Variants in PFKM observed in about 807,000 individuals in gnomAD.
PFKM encodes ATP-dependent 6-phosphofructokinase, muscle type.
A neutral mutation model predicts 95.5 loss-of-function variants in PFKM; 58 were observed. The ratio of observed to expected loss-of-function variants is 0.61; its 90% CI spans 0.49 to 0.76. The LOEUF (loss-of-function observed/expected upper bound fraction) is 0.76. Ranked by LOEUF, PFKM falls within the 30% of genes least tolerant of loss-of-function variation. The pLI is 0.00. For synonymous variants in PFKM, 336 were observed against 357.2 expected (o/e 0.94, Z 0.67); for missense variants, 678 against 1,005.4 (o/e 0.67, Z 4.40).
At chr12:48,105,408 G>A (rs1384157044), upstream of PFKM, 2 of 518,918 alleles carry the variant, frequency 3.9e-6, no homozygotes, top group African/African-American at 1.9e-5. Flanking sequence ...TTACCAGGAG[G>A]CGATGAGCCA....
chr12:48,138,282 C>T (rs905348133), intron 11 of PFKM, among the ~76,000 whole-genome samples: 1 of 152,102 alleles, frequency 6.6e-6, no homozygotes, highest in Non-Finnish European at 1.5e-5. Context: ...CTAATGCTAA[C>T]GTTGAGGGTT....
chr12:48,141,322 T>G lies in PFKM; in HGVS notation c.1353T>G (p.Ala451=). 3.1e-6 allele frequency: 5 copies of G among 1,614,158 alleles called. No homozygotes were observed. The highest frequency in any genetic ancestry group is 4.2e-6 in the Non-Finnish European group (5 of 1,180,012). Residue 451 remains alanine (A), a synonymous_variant, in exon 15 of 23, where the codon GCT becomes GCG. Transcript: ENST00000359794. ...EGLAKGQIEE[A]GWSYVGGWTG... Reference sequence around the variant, plus strand: ...GCTTATCCCCACAGATAGAGGAAGCTGGCTGGAGCTATGTTGGGGGCTGGA... The same window carrying G: ...GCTTATCCCCACAGATAGAGGAAGCGGGCTGGAGCTATGTTGGGGGCTGGA...
chr12:48,137,389 C>T (rs1950197685), intron 10 of PFKM: 2 of 383,290 alleles, frequency 5.2e-6, no homozygotes, highest in Non-Finnish European at 1.0e-5. Context: ...CTTATCCTAT[C>T]TTCACTGGAA....
chr12:48,142,927 T>C lies in PFKM; in HGVS notation c.1799T>C (p.Phe600Ser). Residue 600 changes from phenylalanine (F) to serine (S), a missense_variant, in exon 18 of 23, where the codon TTC becomes TCC. Physicochemically the swap from Phe to Ser is radical, Grantham distance 155. Coordinates refer to ENST00000359794, the MANE Select transcript of PFKM (RefSeq NM_000289.6). ...GCTGCCTACATTTTTGAGGAGCCCT[T>C]CACCATTCGAGACCTGCAGGTAGCT... is the stretch of plus-strand genomic sequence containing the variant. The part of the protein sequence containing the change: ...ADAAYIFEEP[F>S]TIRDLQANVE... The C allele has an allele frequency of 6.2e-7, 1 of 1,613,958 alleles. No homozygotes were observed. The highest frequency in any genetic ancestry group is 1.3e-5 in the African/African-American group (1 of 75,022).
chr12:48,117,578 C>T (rs1199023087), upstream of PFKM, among the ~76,000 whole-genome samples: 1 of 152,210 alleles, frequency 6.6e-6, no homozygotes, highest in Non-Finnish European at 1.5e-5. Flanking sequence ...TCGCTAATGA[C>T]ATATGATGTT....
chr12:48,131,190 A>C, intron 3 of PFKM, 126 bp from the exon 4 acceptor site: 1 of 746,604 alleles, frequency 1.3e-6, no homozygotes. Context: ...TCTCACGAGC[A>C]TCCAGGACTC....
intron 19 of PFKM, 84 bp downstream of exon 19, chr12:48,143,898 C>G (rs1483346334): frequency 8.6e-7 from 1 of 1,163,220 alleles, no homozygotes; most frequent in Admixed American, 1.7e-5. Flanking sequence ...GTTGGGACAC[C>G]CTGAGGAATC....
intron 2 of PFKM, among the ~76,000 whole-genome samples, chr12:48,129,392 G>C (rs987139046): frequency 6.6e-6 from 1 of 151,684 alleles, no homozygotes; most frequent in African/African-American, 2.4e-5. Context: ...AGTAGAAGCA[G>C]AGAGAGAATG....
chr12:48,134,324 C>G (rs373649164), intron 7 of PFKM, 48 bp downstream of exon 7: 8 of 1,518,354 alleles, frequency 5.3e-6, no homozygotes, highest in Non-Finnish European at 6.4e-6. Flanking sequence ...TAGCGATAGC[C>G]CTTTCCTTTT....
upstream of PFKM, among the ~76,000 whole-genome samples, chr12:48,118,808 T>C (rs1294111178): frequency 6.6e-6 from 1 of 152,124 alleles, no homozygotes; most frequent in Non-Finnish European, 1.5e-5. Context: ...AGAAAGGTAA[T>C]GTAAATGTAA....
chr12:48,113,403 A>G (rs969793800), intron 3 of PFKM, among the ~76,000 whole-genome samples: 3 of 152,206 alleles, frequency 2.0e-5, no homozygotes, highest in African/African-American at 7.2e-5. Flanking sequence ...TTCAGCCGCT[A>G]AGCTGAGAAG....
chr12:48,134,782 C>A lies in PFKM; in HGVS notation c.700C>A (p.Pro234Thr), dbSNP rs781483578. 1.2e-6 allele frequency: 2 copies of A among 1,614,098 alleles called. No homozygotes were observed. Among genetic ancestry groups the A allele is most frequent in the South Asian group, 2.2e-5 (2 of 91,074 alleles). The change falls in exon 8 of 23, where the codon CCA (proline) becomes ACA (threonine). Residue 234 changes from proline (P) to threonine (T), a missense_variant. By Grantham distance (38) the Pro-to-Thr change is conservative. Coordinates refer to ENST00000359794, the MANE Select transcript of PFKM (RefSeq NM_000289.6). ...CGACTGGGTTTTTATTCCTGAATGT[C>A]CACCAGATGACGACTGGGAGGAACA... ...GADWVFIPEC[P>T]PDDDWEEHLC...
At chr12:48,124,772 G>T (rs1049166299) in intron 2 of PFKM, among the ~76,000 whole-genome samples, 2 of 152,180 alleles carry the variant, frequency 1.3e-5, no homozygotes, top group Non-Finnish European at 2.9e-5. Context: ...ACTAGGGATT[G>T]AGAGTGATAG....
At chr12:48,114,921 T>C (rs989955972), upstream of PFKM, among the ~76,000 whole-genome samples, 1 of 151,722 alleles carries the variant, frequency 6.6e-6, no homozygotes, top group African/African-American at 2.4e-5. Flanking sequence ...GTTGAAGAGG[T>C]TTTAAGTTCT....
chr12:48,132,373 T>C (rs1183709758), intron 4 of PFKM, among the ~76,000 whole-genome samples: 3 of 152,274 alleles, frequency 2.0e-5, no homozygotes, highest in Admixed American at 1.3e-4. Flanking sequence ...TGCAAGGAGC[T>C]AAGGGGAAAG....
intron 2 of PFKM, among the ~76,000 whole-genome samples, chr12:48,128,394 T>C (rs1013249534): frequency 7.9e-5 from 12 of 152,126 alleles, no homozygotes; most frequent in Non-Finnish European, 2.9e-5. Flanking sequence ...GATGCACCAT[T>C]GTACTTGGCT....
chr12:48,145,212 C>T lies in PFKM; in HGVS notation c.2095C>T (p.Arg699Trp), dbSNP rs747186473. The T allele has an allele frequency of 7.4e-6, 12 of 1,614,020 alleles. No individual in the cohort carries two copies. In the South Asian group the frequency reaches 7.7e-5, roughly 10 times the overall value. ...GKIKESYRNG[R>W]IFANTPDSGC... ...TGACTGCCCATCCCTCATTGCAGGG[C>T]GGATCTTTGCCAATACTCCAGATTC... is the stretch of plus-strand genomic sequence containing the variant. Residue 699 changes from arginine to tryptophan, a missense_variant and splice_region_variant, in exon 22 of 23, where the codon CGG becomes TGG. Transcript: ENST00000359794. This position sits in a 1 kb window ranked among gnomAD's most constrained non-coding sequence, Gnocchi z 4.3.
At chr12:48,106,032 C>G (rs977613414) in exon 1 of PFKM, 9 of 701,664 alleles carry the variant, frequency 1.3e-5, no homozygotes, top group Non-Finnish European at 2.3e-5. Context: ...ACTCACCGAA[C>G]CGGAACCGGC....
rs567815273 is a variant in PFKM, at chr12:48,108,149, A to T, written c.160A>T (p.Met54Leu). The change falls in exon 3 of 25, where the codon ATG (methionine) becomes TTG (leucine). Residue 54 changes from methionine to leucine, a missense_variant. Physicochemically the swap from Met to Leu is conservative, Grantham distance 15. Coordinates refer to the PFKM transcript ENST00000340802. ...AGACATCTTGAAGAGTCTAGATACT[A>T]TGGATGATCCAGACACCGTGGGAAG... 9 of 1,598,660 alleles carry T rather than the reference A, an allele frequency of 5.6e-6. No homozygotes were observed. In the African/African-American group the frequency reaches 8.0e-5, roughly 14 times the overall value.
Sources: gnomAD v4.1 joint callset for allele counts (sites outside exome capture counted in the v4.1 genomes callset) on GRCh38, gnomAD v4.1.1 for gene constraint, Gnocchi (gnomAD v3.1) non-coding constraint, MANE v1.5 for transcripts, NCBI Gene and HGNC (gene_info 2026-07-23, HGNC 2026-07-21) for gene names.